FAM118B: variants seen among roughly 807,000 people sequenced by gnomAD.
FAM118B encodes protein FAM118B.
Under a neutral mutation model 38.5 loss-of-function variants are expected in FAM118B, and 24 were observed. The observed-to-expected ratio is 0.62, with a 90% confidence interval of 0.45 to 0.88. FAM118B has a LOEUF of 0.88. FAM118B is among the 40% of genes least tolerant of loss of function. The pLI is 0.00. For missense variants in FAM118B, 334 were observed against 420.0 expected (o/e 0.80, Z 1.79); for synonymous variants, 138 against 156.3 (o/e 0.88, Z 0.87).
At chr11:126,214,070 C>T (rs899105861) in intron 1 of FAM118B, among the ~76,000 whole-genome samples, 3 of 152,130 alleles carry the variant, frequency 2.0e-5, no homozygotes, top group Non-Finnish European at 2.9e-5. Flanking sequence ...TTTATGTGGC[C>T]GGGCGCGGTG....
chr11:126,230,450 A>C lies in FAM118B; in HGVS notation c.-8+1157A>C, dbSNP rs373017689. On this transcript the variant is annotated intron_variant, in intron 2 of 8. Coordinates refer to ENST00000533050, the MANE Select transcript of FAM118B (RefSeq NM_024556.4). ...ATGACTCTTTTCCCTTAAGAAATGA[A>C]GTTAACCCTTTTCTATATTTATGCT... Among the ~76,000 whole-genome samples the C allele has an allele frequency of 7.2e-5, 11 of 152,320 alleles. No homozygotes were observed. In the East Asian group the frequency reaches 9.6e-4, roughly 13 times the overall value.
rs377063940 is a variant in FAM118B, at chr11:126,262,156, G to C, written c.*23G>C. 1.9e-6 allele frequency: 3 copies of C among 1,613,278 alleles called. No individual in the cohort carries two copies. Among genetic ancestry groups the C allele is most frequent in the South Asian group, 2.2e-5 (2 of 91,048 alleles). ...TGAGCGAGCTAGAGAAATCACCACCGTTTAGACCAAGCTGTAAGGCCCTAC... is the reference window on the plus strand; with the variant it reads ...TGAGCGAGCTAGAGAAATCACCACCCTTTAGACCAAGCTGTAAGGCCCTAC... On this transcript the variant is annotated 3_prime_UTR_variant, in exon 9 of 9. Transcript: ENST00000533050.
At chr11:126,261,177 A>G (rs1950689227) in intron 7 of FAM118B, 1 of 480,500 alleles carries the variant, frequency 2.1e-6, no homozygotes, top group Admixed American at 3.5e-5. Flanking sequence ...GTAAAATGTA[A>G]AATGTTTTGT....
intron 3 of FAM118B, among the ~76,000 whole-genome samples, chr11:126,238,772 T>G (rs1026702029): frequency 6.6e-6 from 1 of 152,110 alleles, no homozygotes; most frequent in African/African-American, 2.4e-5. Flanking sequence ...TTCCCAAAAT[T>G]CTACCAAGGG....
intron 3 of FAM118B, among the ~76,000 whole-genome samples, chr11:126,235,973 T>G (rs1392691012): frequency 1.3e-5 from 2 of 152,264 alleles, no homozygotes; most frequent in African/African-American, 2.4e-5. Context: ...TTGCTTTCAA[T>G]GTATTCTCAC....
intron 1 of FAM118B, among the ~76,000 whole-genome samples, chr11:126,213,870 T>A (rs1949927806): frequency 6.6e-6 from 1 of 152,220 alleles, no homozygotes; most frequent in African/African-American, 2.4e-5. Context: ...GTCCCTTTTT[T>A]CTGGAGAAGG....
At chr11:126,261,398 T>C (rs1272401413) in intron 7 of FAM118B, 27 bp from the exon 8 acceptor site, 4 of 1,604,886 alleles carry the variant, frequency 2.5e-6, no homozygotes, top group Admixed American at 1.7e-5. Flanking sequence ...TTCAGTCTAA[T>C]GTCTGATGCT....
At chr11:126,235,671 A>G (rs770243117) in intron 3 of FAM118B, among the ~76,000 whole-genome samples, 3 of 152,130 alleles carry the variant, frequency 2.0e-5, no homozygotes, top group Non-Finnish European at 2.9e-5. Flanking sequence ...GGTGCCTGCC[A>G]CCATGCCCAG....
chr11:126,226,729 A>G (rs1414606417), intron 1 of FAM118B, among the ~76,000 whole-genome samples: 3 of 152,120 alleles, frequency 2.0e-5, no homozygotes, highest in Non-Finnish European at 2.9e-5. Flanking sequence ...CCTGTAACTG[A>G]AGCACTTTGG....
chr11:126,254,219 T>C (rs1950543407), intron 5 of FAM118B, 86 bp from the exon 6 acceptor site: 3 of 1,482,266 alleles, frequency 2.0e-6, no homozygotes, highest in Non-Finnish European at 2.7e-6. Flanking sequence ...AGAAGTCTAG[T>C]CCTCAAAACA....
rs377428864 is a variant in FAM118B at position 126,255,011 on chromosome 11, A to G, written c.696+578A>G. 6.6e-6 allele frequency among the ~76,000 whole-genome samples: 1 copy of G among 152,264 alleles called. No homozygotes were observed. Among genetic ancestry groups the G allele is most frequent in the East Asian group, 1.9e-4 (1 of 5,208 alleles). On this transcript the variant is annotated intron_variant, in intron 6 of 8. Transcript: ENST00000533050. The surrounding 1 kb of genome is among the most constrained non-coding windows in gnomAD (Gnocchi z 4.6). ...GGCATCATCTTCACATACAAAGGAT[A>G]CATTAGTACCCTTTATCATCATTTG...
chr11:126,256,659 G>T lies in FAM118B; in HGVS notation c.789G>T (p.Leu263Phe). 6.2e-7 allele frequency: 1 copy of T among 1,614,204 alleles called. No homozygotes were observed. Among genetic ancestry groups the T allele is most frequent in the Non-Finnish European group, 8.5e-7 (1 of 1,180,046 alleles). ...ACACCACTTTCCAGGCCCTTTTCTTGGAGGCTGTCAAGCATAAATCTGACC... is the reference window on the plus strand; with the variant it reads ...ACACCACTTTCCAGGCCCTTTTCTTTGAGGCTGTCAAGCATAAATCTGACC... The part of the protein sequence containing the change: ...VDDTTFQALF[L>F]EAVKHKSDLE... The change falls in exon 7 of 9, where the codon TTG becomes TTT. Residue 263 changes from leucine to phenylalanine, a missense_variant. Around this residue, in one of 3 missense-constraint regions of FAM118B, gnomAD observed 6 missense variants for 26.1 expected, o/e 0.23. Transcript: ENST00000533050. This position sits in a 1 kb window ranked among gnomAD's most constrained non-coding sequence, Gnocchi z 6.6.
chr11:126,245,490 T>C (rs947579999), intron 4 of FAM118B, among the ~76,000 whole-genome samples: 2 of 151,994 alleles, frequency 1.3e-5, no homozygotes. Context: ...AAATTGGACA[T>C]GATGAGACTT....
Position 126,211,792 on chromosome 11 carries a change from G to T in FAM118B, c.-115G>T, listed in dbSNP as rs1335554535. 7.6e-6 allele frequency: 6 copies of T among 785,772 alleles called. No homozygotes were observed. In the South Asian group the frequency reaches 1.0e-4, roughly 14 times the overall value. 48.7% of individuals were successfully genotyped at this position (785,772 alleles called of 1,614,324 possible). On this transcript the variant is annotated 5_prime_UTR_variant, in exon 1 of 9. Coordinates refer to ENST00000533050, the MANE Select transcript of FAM118B (RefSeq NM_024556.4). ...GCGCTCAGTGCGGCTGCGCCGGCCG[G>T]TAGCTGCAGCTGGAGCAGTGGCGTT...
intron 1 of FAM118B, among the ~76,000 whole-genome samples, chr11:126,228,045 C>T (rs1465464744): frequency 6.6e-6 from 1 of 151,954 alleles, no homozygotes; most frequent in Admixed American, 6.6e-5. Context: ...AGCATTCTAC[C>T]TTCCTGAGCC....
chr11:126,226,997 A>G (rs1950151518), intron 1 of FAM118B, among the ~76,000 whole-genome samples: 1 of 147,682 alleles, frequency 6.8e-6, no homozygotes, highest in Non-Finnish European at 1.5e-5. Context: ...ACTTAAATTT[A>G]TTAACTATTG....
chr11:126,220,534 C>T (rs1224829925), intron 1 of FAM118B, among the ~76,000 whole-genome samples: 1 of 151,902 alleles, frequency 6.6e-6, no homozygotes, highest in Non-Finnish European at 1.5e-5. Context: ...GTCAACATAG[C>T]AAGAGCCCAT....
chr11:126,223,753 A>G (rs1325584217), intron 1 of FAM118B, among the ~76,000 whole-genome samples: 1 of 152,216 alleles, frequency 6.6e-6, no homozygotes, highest in African/African-American at 2.4e-5. Context: ...ATCAACCCTT[A>G]AAAACCAGTT....
Position 126,217,344 on chromosome 11 carries a change from T to C in FAM118B, c.-77+5514T>C, listed in dbSNP as rs537573903. 8.3e-4 allele frequency among the ~76,000 whole-genome samples: 126 copies of C among 152,322 alleles called. 2 individuals carry two copies. The South Asian group carries it at 0.025, about 31-fold the overall frequency. ...ATTTAGCTCTTGCATCCCACCACTT[T>C]CCTATTTTTCCATGCCCTCTATCCC... On this transcript the variant is annotated intron_variant, in intron 1 of 8. Transcript: ENST00000533050.
Sources: gnomAD v4.1 joint callset for allele counts (sites outside exome capture counted in the v4.1 genomes callset) on GRCh38, gnomAD v4.1.1 for gene constraint, gnomAD v4.1.1 regional missense constraint, Gnocchi (gnomAD v3.1) non-coding constraint, MANE v1.5 for transcripts, NCBI Gene and HGNC (gene_info 2026-07-23, HGNC 2026-07-21) for gene names.